The following SLC41A2 variants were observed in gnomAD, a reference collection of about 807,000 sequenced individuals.
SLC41A2 encodes the protein solute carrier family 41 member 2, also known as SLC41A1-like 1.
In SLC41A2, 32 loss-of-function variants were observed where a neutral mutation model predicts 58.3. The ratio of observed to expected loss-of-function variants is 0.55; its 90% CI spans 0.41 to 0.74. SLC41A2 has a LOEUF of 0.74. Among genes scored for constraint, SLC41A2 ranks in the 30% least tolerant of loss-of-function variants. SLC41A2 has a pLI of 0.00. For missense variants in SLC41A2, 514 were observed against 680.6 expected, an observed-to-expected ratio of 0.76 and a Z score of 2.72; for synonymous variants, 190 against 235.0, an observed-to-expected ratio of 0.81 and a Z score of 1.75.
intron 8 of SLC41A2, 84 bp downstream of exon 8, chr12:104,861,207 G>C: frequency 3.1e-6 from 3 of 952,634 alleles, no homozygotes; most frequent in Non-Finnish European, 4.7e-6. Flanking sequence ...TCTTGAATCT[G>C]AGCCCTAAGA....
In SLC41A2 at chr12:104,818,307, AGAAAT is replaced by A. The variant is rs1345270246; in HGVS notation, c.1537-12975_1537-12971del. 2.6e-4 allele frequency among the ~76,000 whole-genome samples: 39 copies of A among 152,306 alleles called. No homozygotes were observed. The East Asian group carries it at 7.1e-3, about 28-fold the overall frequency. On this transcript the variant is annotated intron_variant, in intron 10 of 10. Transcript: ENST00000258538. ...AGTATCATATTTTTAAAGAAAAAGA[AGAAAT>A]GAACAAATTAGTTAGAAAACCAACT...
chr12:104,877,173 A>C (rs2135576135), intron 6 of SLC41A2, among the ~76,000 whole-genome samples: 1 of 152,330 alleles, frequency 6.6e-6, no homozygotes, highest in South Asian at 2.1e-4. Flanking sequence ...CTATAAGTTT[A>C]TCAGGAAATA....
At chr12:104,947,820 A>T (rs114006086) in intron 1 of SLC41A2, among the ~76,000 whole-genome samples, 2 of 152,080 alleles carry the variant, frequency 1.3e-5, no homozygotes, top group Non-Finnish European at 2.9e-5. Context: ...ATCATATCTC[A>T]TATATATTTT....
At chr12:104,860,492 CT>C (rs1336989957) in intron 8 of SLC41A2, among the ~76,000 whole-genome samples, 2 of 151,720 alleles carry the variant, frequency 1.3e-5, no homozygotes, top group Non-Finnish European at 2.9e-5. Context: ...ATATAAATGT[CT>C]GTGAATTTAA....
chr12:104,921,904 A>C (rs2046614069), intron 2 of SLC41A2, among the ~76,000 whole-genome samples: 2 of 152,180 alleles, frequency 1.3e-5, no homozygotes, highest in African/African-American at 2.4e-5. Context: ...AGAGTTTCTT[A>C]GTTTTTTCTT....
intron 8 of SLC41A2, among the ~76,000 whole-genome samples, chr12:104,847,381 A>G (rs1422183696): frequency 6.6e-6 from 1 of 152,028 alleles, no homozygotes; most frequent in Non-Finnish European, 1.5e-5. Flanking sequence ...AGGTGGGTGG[A>G]TCACGAGGTT....
At position 104,928,392 on chromosome 12, in the gene SLC41A2, C is replaced by G; in HGVS notation, c.136G>C (p.Val46Leu). 6.3e-7 allele frequency: 1 copy of G among 1,575,538 alleles called. No individual in the cohort carries two copies. Among genetic ancestry groups the G allele is most frequent in the Non-Finnish European group, 8.6e-7 (1 of 1,158,498 alleles). ...TGGTTTTTCTGGTAAATCACTGGAA[C>G]CATACTCAAGAGTAAATTTAAAAAC... is the stretch of plus-strand genomic sequence containing the variant. ...DKFLNLLLSM[V>L]PVIYQKNQED... The change falls in exon 2 of 11, where the codon GTT (valine) becomes CTT (leucine). Residue 46 changes from valine to leucine, a missense_variant. Val to Leu is a conservative substitution (Grantham distance 32, BLOSUM62 1). This residue lies in a region of SLC41A2 where 336 missense variants were observed against 430.0 expected (regional missense o/e 0.78). Coordinates refer to ENST00000258538, the MANE Select transcript of SLC41A2 (RefSeq NM_001352171.3).
chr12:104,857,475 C>A (rs916906798), intron 8 of SLC41A2, among the ~76,000 whole-genome samples: 6 of 152,132 alleles, frequency 3.9e-5, no homozygotes, highest in Non-Finnish European at 5.9e-5. Context: ...ACTAGAAATA[C>A]CATTTGACCC....
At chr12:104,837,918 A>G (rs1169362789) in intron 10 of SLC41A2, among the ~76,000 whole-genome samples, 1 of 152,196 alleles carries the variant, frequency 6.6e-6, no homozygotes, top group Non-Finnish European at 1.5e-5. Flanking sequence ...TATGGATACA[A>G]AATAAGTAGC....
chr12:104,878,863 T>G (rs1207311461), intron 6 of SLC41A2, among the ~76,000 whole-genome samples: 6 of 152,214 alleles, frequency 3.9e-5, no homozygotes, highest in Non-Finnish European at 8.8e-5. Flanking sequence ...GTATTTCTAG[T>G]TCTAGATCCT....
At chr12:104,807,030 A>T (rs1446696984) in intron 10 of SLC41A2, among the ~76,000 whole-genome samples, 2 of 152,150 alleles carry the variant, frequency 1.3e-5, no homozygotes, top group Non-Finnish European at 2.9e-5. Flanking sequence ...GTTCACTCTG[A>T]TGGTAGTTTC....
chr12:104,927,094 T>C (rs757122831), intron 2 of SLC41A2, among the ~76,000 whole-genome samples: 6 of 151,994 alleles, frequency 3.9e-5, no homozygotes, highest in African/African-American at 1.4e-4. Context: ...CCAATGTTGA[T>C]AGGGACATGA....
intron 3 of SLC41A2, among the ~76,000 whole-genome samples, chr12:104,907,080 A>T (rs550155581): frequency 2.6e-5 from 4 of 152,172 alleles, no homozygotes; most frequent in African/African-American, 9.6e-5. Flanking sequence ...TCATGTATAG[A>T]CTAATGGATT....
At chr12:104,952,733 C>T (rs575371114) in intron 1 of SLC41A2, among the ~76,000 whole-genome samples, 3 of 152,296 alleles carry the variant, frequency 2.0e-5, no homozygotes, top group East Asian at 3.9e-4. Flanking sequence ...CACTAATTTG[C>T]TTTCACAATC....
chr12:104,825,979 A>G (rs1278689502), intron 10 of SLC41A2, among the ~76,000 whole-genome samples: 1 of 152,204 alleles, frequency 6.6e-6, no homozygotes, highest in Non-Finnish European at 1.5e-5. Flanking sequence ...ACCTACGGCC[A>G]GCACCTGCCA....
At chr12:104,905,511 C>T (rs1407241407) in intron 3 of SLC41A2, among the ~76,000 whole-genome samples, 1 of 152,264 alleles carries the variant, frequency 6.6e-6, no homozygotes, top group African/African-American at 2.4e-5. Flanking sequence ...ACCCTGTGCT[C>T]GCATTCCTCA....
chr12:104,905,168 C>T (rs1182663614), intron 3 of SLC41A2, among the ~76,000 whole-genome samples: 1 of 152,084 alleles, frequency 6.6e-6, no homozygotes, highest in East Asian at 1.9e-4. Flanking sequence ...TACAGAGTGT[C>T]GATTGGTGCA....
intron 2 of SLC41A2, among the ~76,000 whole-genome samples, chr12:104,915,849 C>T (rs1161047238): frequency 6.6e-6 from 1 of 152,070 alleles, no homozygotes; most frequent in African/African-American, 2.4e-5. Context: ...TCTTGTGACA[C>T]TTTTCAAAGG....
At chr12:104,939,980 A>C (rs1484378649) in intron 1 of SLC41A2, among the ~76,000 whole-genome samples, 1 of 152,068 alleles carries the variant, frequency 6.6e-6, no homozygotes, top group African/African-American at 2.4e-5. Context: ...ATTTTTTCTT[A>C]AAGTATACCT....
Sources: gnomAD v4.1 joint callset for allele counts (sites outside exome capture counted in the v4.1 genomes callset) on GRCh38, gnomAD v4.1.1 for gene constraint, gnomAD v4.1.1 regional missense constraint, MANE v1.5 for transcripts, NCBI Gene and HGNC (gene_info 2026-07-23, HGNC 2026-07-21) for gene names.